Variants in UFD1 observed in about 807,000 individuals in gnomAD.
The protein encoded by UFD1 is ubiquitin recognition factor in ER-associated degradation protein 1.
UFD1 carries 13 observed loss-of-function variants against 45.9 expected under a neutral mutation model. The observed-to-expected ratio is 0.28, with a 90% CI of 0.18 to 0.45. UFD1 has a LOEUF of 0.45. UFD1 is among the 20% of genes least tolerant of loss of function. The pLI is 1.00. For synonymous variants in UFD1, 128 were observed against 139.2 expected (o/e 0.92, Z 0.56); for missense variants, 218 against 389.2 (o/e 0.56, Z 3.70).
At chr22:19,466,310 C>G (rs565703063) in intron 5 of UFD1, 5 of 152,460 alleles carry the variant, frequency 3.3e-5, no homozygotes, top group Admixed American at 6.5e-5. Context: ...GCTGAGAACA[C>G]GAGGCCTCTG....
At chr22:19,451,737 T>TTCCTTTGCCGCACA in intron 11 of UFD1, 1 of 985,466 alleles carries the variant, frequency 1.0e-6, no homozygotes, top group Non-Finnish European at 1.2e-6. Flanking sequence ...GCATTTAGTC[T>TTCCTTTGCCGCACA]TCCTTTGCCG....
At position 19,471,709 on chromosome 22, in the gene UFD1, C is replaced by T; in HGVS notation, c.269G>A (p.Gly90Asp). The T allele has an allele frequency of 6.2e-7, 1 of 1,613,350 alleles. No individual in the cohort carries two copies. Among genetic ancestry groups the T allele is most frequent in the Non-Finnish European group, 8.5e-7 (1 of 1,180,006 alleles). Residue 90 changes from glycine to aspartate, a missense_variant, in exon 4 of 12, where the codon GGC (glycine) becomes GAC (aspartate). By Grantham distance (94) the Gly-to-Asp change is moderately conservative (BLOSUM62 -1). This residue lies in a region of UFD1 where 149 missense variants were observed against 307.5 expected (regional missense o/e 0.48). Coordinates refer to ENST00000263202, the MANE Select transcript of UFD1 (RefSeq NM_005659.7). ...CACCCAGTGTGGGAGGTAGCAGATG[C>T]CCTCATCAGCCACAAACTCCAGCAC... ...CGVLEFVADE[G>D]ICYLPHWMMQ... is the part of the protein sequence containing the mutation.
intron 5 of UFD1, chr22:19,466,474 C>T (rs2089802803): frequency 6.6e-6 from 1 of 152,346 alleles, no homozygotes; most frequent in African/African-American, 2.4e-5. Flanking sequence ...AAGTGACGCC[C>T]TTTCTCCACA....
At chr22:19,474,780 T>TG (rs1363230957) in intron 3 of UFD1, among the ~76,000 whole-genome samples, 1 of 151,972 alleles carries the variant, frequency 6.6e-6, no homozygotes, top group African/African-American at 2.4e-5. Flanking sequence ...TGAGAACAGT[T>TG]GGGGGGTGGG....
chr22:19,469,351 G>A (rs891313225), intron 4 of UFD1, among the ~76,000 whole-genome samples: 3 of 152,144 alleles, frequency 2.0e-5, no homozygotes, highest in Non-Finnish European at 4.4e-5. Context: ...AGGGATGGGG[G>A]GTGGCTTCCT....
At chr22:19,471,841 T>C (rs2089848399) in intron 3 of UFD1, 33 bp from the exon 4 acceptor site, 1 of 1,600,664 alleles carries the variant, frequency 6.2e-7, no homozygotes, top group Non-Finnish European at 8.5e-7. Context: ...GAGGCACAGC[T>C]CCTATGAAGG....
chr22:19,463,010 G>T (rs1424259559), intron 6 of UFD1, among the ~76,000 whole-genome samples: 6 of 152,190 alleles, frequency 3.9e-5, no homozygotes. Flanking sequence ...GCTACTTGCT[G>T]TTCTTCTGAA....
At chr22:19,468,729 C>T (rs753624764) in intron 4 of UFD1, among the ~76,000 whole-genome samples, 4 of 152,158 alleles carry the variant, frequency 2.6e-5, no homozygotes, top group African/African-American at 7.2e-5. Context: ...AGAGCTCCCA[C>T]GCACCGAGCC....
At chr22:19,460,463 T>A (rs1037693613) in intron 6 of UFD1, among the ~76,000 whole-genome samples, 2 of 152,238 alleles carry the variant, frequency 1.3e-5, no homozygotes, top group Non-Finnish European at 2.9e-5. Flanking sequence ...CTTTTATGTA[T>A]TGGCATAATA....
chr22:19,457,985 C>T lies in UFD1; in HGVS notation c.564+86G>A, dbSNP rs1321067968. On this transcript the variant is annotated intron_variant, in intron 7 of 11. Transcript: ENST00000263202. ...CCAGAGTCCCAGGGGCTGTTTGATG[C>T]CCTCCTGACACCCTGGCCTGCAGTG... 7 of 1,414,776 alleles carry T rather than the reference C, an allele frequency of 4.9e-6. No individual in the cohort carries two copies. The Admixed American group carries it at 1.0e-4, about 21-fold the overall frequency. The allele number at this position is 1,414,776 out of a possible 1,614,324, so 87.6% of individuals were successfully genotyped here. A position where few individuals can be genotyped will look rare whatever the true frequency, so the allele number is the denominator to read the frequency against.
rs41455044 is a variant in UFD1 at position 19,469,532 on chromosome 22, C to T, written c.292-1529G>A. 8.5e-3 allele frequency among the ~76,000 whole-genome samples: 1,296 copies of T among 152,256 alleles called. 24 individuals are homozygous for T. Among genetic ancestry groups the T allele is most frequent in the African/African-American group, 0.029 (1,210 of 41,552 alleles). ...CAGCATTTTAGAGCATACAGCACAA[C>T]GGGCAGCCGAGTACCCACATGTCAC... On this transcript the variant is annotated intron_variant, in intron 4 of 11. Coordinates refer to ENST00000263202, the MANE Select transcript of UFD1 (RefSeq NM_005659.7).
intron 6 of UFD1, among the ~76,000 whole-genome samples, chr22:19,460,971 C>T (rs2089762168): frequency 6.6e-6 from 1 of 152,124 alleles, no homozygotes; most frequent in African/African-American, 2.4e-5. Flanking sequence ...ACCCAGGCTA[C>T]TCTCAAACTC....
At chr22:19,470,081 A>C (rs1442535279) in intron 4 of UFD1, 1 of 504,258 alleles carries the variant, frequency 2.0e-6, no homozygotes, top group Non-Finnish European at 4.0e-6. Context: ...GTTCTACCGG[A>C]TGAGCACAAT....
chr22:19,474,977 C>A, intron 3 of UFD1, 91 bp downstream of exon 3: 1 of 1,279,638 alleles, frequency 7.8e-7, no homozygotes, highest in African/African-American at 1.5e-5. Flanking sequence ...ACAAAGGGCA[C>A]TGGTGTCTGG....
rs1030500060 is a variant in UFD1, at chr22:19,454,847, A to C, written c.768-17T>G. The C allele has an allele frequency of 3.7e-6, 6 of 1,607,404 alleles. No individual in the cohort carries two copies. The highest frequency in any genetic ancestry group is 1.3e-5 in the African/African-American group (1 of 74,526). On this transcript the variant is annotated splice_polypyrimidine_tract_variant and intron_variant, in intron 10 of 11. Coordinates refer to ENST00000263202, the MANE Select transcript of UFD1 (RefSeq NM_005659.7). Reference sequence around the variant, plus strand: ...GGAATTCCTCTGTAAGAAGAGACAGAGACAGAGAAATGTTATTTCCAGGAA... The same window carrying C: ...GGAATTCCTCTGTAAGAAGAGACAGCGACAGAGAAATGTTATTTCCAGGAA...
At chr22:19,478,887 C>A in intron 1 of UFD1, 196 bp downstream of exon 1, 1 of 648,952 alleles carries the variant, frequency 1.5e-6, no homozygotes. Flanking sequence ...ACGTTCAGGA[C>A]CGGCGGACGC....
rs757141727 is a variant in UFD1 at position 19,475,522 on chromosome 22, C to T, written c.84G>A (p.Val28=). Residue 28 remains valine, a synonymous_variant, in exon 2 of 12, where the codon GTG becomes GTA. Transcript: ENST00000263202. The part of the protein sequence containing the change: ...RFSTQYRCFS[V]SMLAGPNDRS... The stretch of plus-strand genomic sequence containing the variant: ...TGTCATTAGGCCCTGCTAGCATGGA[C>T]ACAGAGAAGCAGCGGTACTGTGTGG... The T allele has an allele frequency of 1.9e-6, 3 of 1,614,048 alleles. No individual in the cohort carries two copies. Among genetic ancestry groups the T allele is most frequent in the Non-Finnish European group, 2.5e-6 (3 of 1,180,034 alleles).
At chr22:19,464,197 TAACTGG>T (rs1399646206) in intron 6 of UFD1, among the ~76,000 whole-genome samples, 1 of 151,894 alleles carries the variant, frequency 6.6e-6, no homozygotes, top group Non-Finnish European at 1.5e-5. Flanking sequence ...ACCAAGGGAG[TAACTGG>T]CTAAACCACA....
intron 4 of UFD1, among the ~76,000 whole-genome samples, chr22:19,468,727 C>A (rs978217632): frequency 6.6e-6 from 1 of 152,182 alleles, no homozygotes; most frequent in African/African-American, 2.4e-5. Flanking sequence ...AGAGAGCTCC[C>A]ACGCACCGAG....
Sources: allele counts gnomAD v4.1 joint callset (sites outside exome capture counted in the v4.1 genomes callset), GRCh38; gene constraint gnomAD v4.1.1; regional missense constraint gnomAD v4.1.1; transcripts MANE v1.5; gene names NCBI Gene and HGNC (gene_info 2026-07-23, HGNC 2026-07-21).